The following POU2F2 variants were observed in gnomAD, a reference collection of about 807,000 sequenced individuals.
POU2F2 encodes POU class 2 homeobox 2.
Under a neutral mutation model 63.5 loss-of-function variants are expected in POU2F2, and 14 were observed. The ratio of observed to expected loss-of-function variants is 0.22; its 90% CI spans 0.15 to 0.34. The LOEUF (loss-of-function observed/expected upper bound fraction) is 0.34, where lower values mean the gene tolerates loss of function less well. POU2F2 is among the 10% of genes least tolerant of loss of function. The pLI is 1.00. For synonymous variants in POU2F2, 306 were observed against 348.6 expected, an observed-to-expected ratio of 0.88 and a Z score of 1.36; for missense variants, 607 against 815.2, an observed-to-expected ratio of 0.74 and a Z score of 3.11.
At chr19:42,168,907 C>T (rs1331634204) in intron 1 of POU2F2, among the ~76,000 whole-genome samples, 1 of 152,174 alleles carries the variant, frequency 6.6e-6, no homozygotes, top group East Asian at 1.9e-4. Context: ...CCTGTAGCCC[C>T]TTTTTCCTCT....
chr19:42,117,000 C>G (rs772896517), intron 5 of POU2F2: 1 of 618,382 alleles, frequency 1.6e-6, no homozygotes, highest in African/African-American at 1.8e-5. Context: ...GCATCAGTGC[C>G]GTGAGCTGCG....
intron 1 of POU2F2, among the ~76,000 whole-genome samples, chr19:42,181,449 C>T (rs2034959201): frequency 1.3e-5 from 2 of 152,188 alleles, no homozygotes; most frequent in African/African-American, 4.8e-5. Flanking sequence ...CTCTTATTCC[C>T]TCCTCATTCT....
intron 1 of POU2F2, among the ~76,000 whole-genome samples, chr19:42,195,491 C>T (rs531241432): frequency 1.2e-3 from 184 of 151,952 alleles, no homozygotes; most frequent in Non-Finnish European, 2.1e-3. Flanking sequence ...CGCCACCACA[C>T]CAGGCTAATT....
At chr19:42,129,413 C>A (rs956914357) in intron 1 of POU2F2, among the ~76,000 whole-genome samples, 6 of 152,140 alleles carry the variant, frequency 3.9e-5, no homozygotes, top group African/African-American at 1.4e-4. Flanking sequence ...GCCCGACTGC[C>A]CCAGGCCTGG....
intron 12 of POU2F2, 51 bp downstream of exon 12, chr19:42,093,778 C>T: frequency 2.6e-6 from 4 of 1,558,524 alleles, no homozygotes; most frequent in Non-Finnish European, 2.6e-6. Context: ...CAGGCTCCAG[C>T]CTGTGCCACA....
intron 1 of POU2F2, among the ~76,000 whole-genome samples, chr19:42,127,479 G>A (rs941615278): frequency 6.6e-6 from 1 of 152,026 alleles, no homozygotes; most frequent in Non-Finnish European, 1.5e-5. Context: ...GGTCTCCTGG[G>A]TTGAAGCAAT....
chr19:42,111,317 A>G (rs1338119362), intron 5 of POU2F2, among the ~76,000 whole-genome samples: 1 of 151,520 alleles, frequency 6.6e-6, no homozygotes, highest in Non-Finnish European at 1.5e-5. Flanking sequence ...GGGTCTCTCT[A>G]TGTTGCCCAG....
At chr19:42,130,735 T>C (rs2033631489) in intron 1 of POU2F2, among the ~76,000 whole-genome samples, 2 of 150,888 alleles carry the variant, frequency 1.3e-5, no homozygotes, top group South Asian at 4.2e-4. Flanking sequence ...CTTTGCTTGC[T>C]CATACCCACT....
intron 5 of POU2F2, among the ~76,000 whole-genome samples, chr19:42,104,316 C>G (rs945863961): frequency 1.3e-5 from 2 of 152,098 alleles, no homozygotes; most frequent in African/African-American, 4.8e-5. Flanking sequence ...ACACAGCCTT[C>G]AACTCAGCCA....
At chr19:42,145,123 C>T (rs894058228) in intron 2 of POU2F2, among the ~76,000 whole-genome samples, 1 of 152,152 alleles carries the variant, frequency 6.6e-6, no homozygotes, top group Non-Finnish European at 1.5e-5. Context: ...CAGACCACAC[C>T]ACCAGTAAGA....
chr19:42,108,670 T>C (rs544656831), intron 5 of POU2F2, among the ~76,000 whole-genome samples: 2 of 152,080 alleles, frequency 1.3e-5, no homozygotes, highest in African/African-American at 4.8e-5. Flanking sequence ...GGTAAGCCGG[T>C]AGGAGGCGCC....
intron 12 of POU2F2, among the ~76,000 whole-genome samples, chr19:42,093,016 T>A (rs1240030920): frequency 4.9e-4 from 66 of 136,056 alleles, no homozygotes; most frequent in African/African-American, 1.7e-3. Flanking sequence ...TATATTTTTT[T>A]TTTTTTTTTT....
At chr19:42,124,110 C>A (rs1568392714) in intron 1 of POU2F2, among the ~76,000 whole-genome samples, 1 of 151,940 alleles carries the variant, frequency 6.6e-6, no homozygotes. Flanking sequence ...TCAAGACCAG[C>A]CTAGGCAACA....
chr19:42,187,962 T>C (rs1284551333), intron 1 of POU2F2, among the ~76,000 whole-genome samples: 1 of 151,928 alleles, frequency 6.6e-6, no homozygotes, highest in Non-Finnish European at 1.5e-5. Context: ...GAACGTGGGC[T>C]GAACCTTTTG....
intron 1 of POU2F2, among the ~76,000 whole-genome samples, chr19:42,182,239 CA>C (rs2034969169): frequency 1.6e-5 from 1 of 62,212 alleles, no homozygotes; most frequent in Non-Finnish European, 3.4e-5. Flanking sequence ...GACTCTGTCT[CA>C]AAAGAGAGAG....
At chr19:42,129,694 G>A (rs1184333178) in intron 1 of POU2F2, among the ~76,000 whole-genome samples, 1 of 152,116 alleles carries the variant, frequency 6.6e-6, no homozygotes, top group Non-Finnish European at 1.5e-5. Flanking sequence ...GGGAACCTCT[G>A]TGGGCCCAGC....
At chr19:42,168,000 C>T (rs972971450) in intron 1 of POU2F2, among the ~76,000 whole-genome samples, 7 of 152,170 alleles carry the variant, frequency 4.6e-5, no homozygotes, top group Non-Finnish European at 8.8e-5. Flanking sequence ...GCTCAGAAAT[C>T]AATAGAACGT....
chr19:42,095,270 G>C lies in POU2F2; in HGVS notation c.1197+16C>G, dbSNP rs2076876012. 2.5e-6 allele frequency: 4 copies of C among 1,607,966 alleles called. No homozygotes were observed. The highest frequency in any genetic ancestry group is 2.5e-6 in the Non-Finnish European group (3 of 1,178,170). Reference sequence around the variant, plus strand: ...AGCTCTGTGGTCTCCCCACCCCCCAGGCGGGCTCTTGGTACCATATGGGGG... The same window carrying C: ...AGCTCTGTGGTCTCCCCACCCCCCACGCGGGCTCTTGGTACCATATGGGGG... On this transcript the variant is annotated intron_variant, in intron 11 of 14. Coordinates refer to ENST00000692977, the MANE Select transcript of POU2F2 (RefSeq NM_001394376.1). The surrounding 1 kb of genome is among the most constrained non-coding windows in gnomAD (Gnocchi z 7.1).
rs1476306181 is a variant in POU2F2, at chr19:42,091,116, GGTT to G, written c.*138_*140del. ...TTCCTTTTTTTTTTTTTTTTTGGTT[GGTT>G]GTTTTTTTGGTCTTTCCTCCCTTGT... On this transcript the variant is annotated 3_prime_UTR_variant, in exon 15 of 15. Coordinates refer to ENST00000692977, the MANE Select transcript of POU2F2 (RefSeq NM_001394376.1). 4 of 453,502 alleles carry G rather than the reference GGTT, an allele frequency of 8.8e-6. No individual in the cohort carries two copies. Among genetic ancestry groups the G allele is most frequent in the Non-Finnish European group, 1.4e-5 (4 of 293,766 alleles). The allele number at this position is 453,502 out of a possible 1,614,324, so 28.1% of individuals were successfully genotyped here. A position where few individuals can be genotyped will look rare whatever the true frequency, so the allele number is the denominator to read the frequency against.
Sources: allele counts gnomAD v4.1 joint callset (sites outside exome capture counted in the v4.1 genomes callset), GRCh38; gene constraint gnomAD v4.1.1; non-coding constraint Gnocchi (gnomAD v3.1); transcripts MANE v1.5; gene names NCBI Gene and HGNC (gene_info 2026-07-23, HGNC 2026-07-21).